Variants in SATB1 observed in about 807,000 individuals in gnomAD.
SATB1 encodes DNA-binding protein SATB1.
SATB1 carries 11 observed loss-of-function variants against 86.9 expected under a neutral mutation model. The ratio of observed to expected loss-of-function variants is 0.13; its 90% CI spans 0.08 to 0.21. SATB1 has a LOEUF of 0.21. Among genes scored for constraint, SATB1 ranks in the 10% least tolerant of loss-of-function variants. The probability of loss-of-function intolerance (pLI) is 1.00; values close to 1 mark genes in which losing one functional copy is unlikely to be tolerated. For synonymous variants in SATB1, 357 were observed against 357.2 expected (o/e 1.00, Z 0.01); for missense variants, 551 against 937.6 (o/e 0.59, Z 5.39).
chr3:18,415,812 G>T (rs9310566), intron 4 of SATB1, among the ~76,000 whole-genome samples, 195 bp downstream of exon 4: 126,569 of 151,018 alleles, frequency 0.84, 53,159 homozygotes, highest in East Asian at 0.9. Context: ...TGTGTGTGTG[G>T]GGGGGGGGAT....
At chr3:18,417,649 C>A (rs1698187433) in intron 2 of SATB1, 1 of 698,030 alleles carries the variant, frequency 1.4e-6, no homozygotes, top group Non-Finnish European at 2.6e-6. Context: ...CTAACTGGTT[C>A]CACAAAAAGT....
At chr3:18,385,290 T>A (rs1195280339) in intron 8 of SATB1, among the ~76,000 whole-genome samples, 1 of 152,176 alleles carries the variant, frequency 6.6e-6, no homozygotes, top group Non-Finnish European at 1.5e-5. Context: ...CTGACCTTAT[T>A]TTTAAGAGCT....
chr3:18,393,657 C>T (rs1215992976), intron 7 of SATB1, among the ~76,000 whole-genome samples: 2 of 152,116 alleles, frequency 1.3e-5, no homozygotes, highest in African/African-American at 4.8e-5. Flanking sequence ...CAAACTAAGG[C>T]CTGCCAGCCA....
upstream of SATB1, among the ~76,000 whole-genome samples, chr3:18,428,366 AAG>A (rs1338547147): frequency 1.3e-5 from 2 of 152,200 alleles, no homozygotes; most frequent in African/African-American, 2.4e-5. Context: ...ATCCATTCAC[AAG>A]AGCAAAGCCC....
rs985695883 is a variant in SATB1 at position 18,445,156 on chromosome 3, G to C, written c.-25+362C>G. 6 of 914,414 alleles carry C rather than the reference G, an allele frequency of 6.6e-6. No individual in the cohort carries two copies. In the African/African-American group the frequency reaches 1.1e-4, roughly 16 times the overall value. The allele number at this position is 914,414 out of a possible 1,614,324, so 56.6% of individuals were successfully genotyped here. A position where few individuals can be genotyped will look rare whatever the true frequency, so the allele number is the denominator to read the frequency against. On this transcript the variant is annotated intron_variant, in intron 1 of 3. Transcript: ENST00000415069. ...CGCCGCTTCGGAGCTTGTGCGGCGC[G>C]GGCTGGCCAGCGGGGCGGCCAGGGC... is the stretch of plus-strand genomic sequence containing the variant.
chr3:18,427,834 A>G (rs1271254494), upstream of SATB1, among the ~76,000 whole-genome samples: 7 of 152,212 alleles, frequency 4.6e-5, no homozygotes, highest in East Asian at 1.9e-4. Context: ...ATGAATAACA[A>G]TATAGCACAA....
At chr3:18,380,978 C>T (rs1048673500) in intron 8 of SATB1, among the ~76,000 whole-genome samples, 5 of 152,078 alleles carry the variant, frequency 3.3e-5, no homozygotes, top group Admixed American at 6.5e-5. Context: ...AGCTCTTCTC[C>T]GCAAATAGCA....
Position 18,394,430 on chromosome 3 carries a change from CA to C in SATB1, c.1206+31del, listed in dbSNP as rs1397890570. On this transcript the variant is annotated intron_variant, in intron 7 of 10. Coordinates refer to ENST00000338745, the MANE Select transcript of SATB1 (RefSeq NM_002971.6). The surrounding 1 kb of genome is among the most constrained non-coding windows in gnomAD (Gnocchi z 5.9). Reference sequence around the variant, plus strand: ...GACTAAAGAAAGAGAAAATAGGAGACAGCACAGAACCACTTATGAAACACAA... The same window carrying C: ...GACTAAAGAAAGAGAAAATAGGAGACGCACAGAACCACTTATGAAACACAA... 2 of 1,576,798 alleles carry C rather than the reference CA, an allele frequency of 1.3e-6. No homozygotes were observed. Among genetic ancestry groups the C allele is most frequent in the East Asian group, 2.2e-5 (1 of 44,604 alleles).
chr3:18,386,669 T>A lies in SATB1; in HGVS notation c.1207-58A>T. The A allele has an allele frequency of 7.3e-7, 1 of 1,378,090 alleles. No homozygotes were observed. The highest frequency in any genetic ancestry group is 1.0e-6 in the Non-Finnish European group (1 of 968,264). The allele number at this position is 1,378,090 out of a possible 1,614,324, so 85.4% of individuals were successfully genotyped here. ...CTGCCTTGCTTTGCCTGGCCAGCAG[T>A]GATCCTTCCCTTTTCTTCTCCACTC... On this transcript the variant is annotated intron_variant, in intron 7 of 10. Transcript: ENST00000338745. The surrounding 1 kb of genome is among the most constrained non-coding windows in gnomAD (Gnocchi z 4.5).
chr3:18,434,930 C>G (rs982937636), intron 2 of SATB1: 2 of 151,984 alleles, frequency 1.3e-5, no homozygotes, highest in African/African-American at 4.8e-5. Flanking sequence ...TCTGTTACAT[C>G]TGAATTCATG....
At chr3:18,383,233 T>C (rs1459033080) in intron 8 of SATB1, among the ~76,000 whole-genome samples, 1 of 152,210 alleles carries the variant, frequency 6.6e-6, no homozygotes, top group Non-Finnish European at 1.5e-5. Flanking sequence ...CAAGGAGCTC[T>C]GGTGTTTCCT....
intron 9 of SATB1, among the ~76,000 whole-genome samples, chr3:18,370,349 T>A (rs1398865862): frequency 1.3e-5 from 2 of 151,934 alleles, no homozygotes; most frequent in Non-Finnish European, 2.9e-5. Context: ...CTGAACTACT[T>A]CTTTCAATTC....
rs769679504 is a variant in SATB1, at chr3:18,378,213, A to G, written c.1532T>C (p.Val511Ala). 3.1e-6 allele frequency: 5 copies of G among 1,605,084 alleles called. No homozygotes were observed. In the African/African-American group the frequency reaches 4.0e-5, roughly 13 times the overall value. ...AACCTTTGCAAACAGTGCTTGAGAC[A>G]CTTTAGCACGCTTCATTTCCTGCTG... is the stretch of plus-strand genomic sequence containing the variant. ...EIQQEMKRAK[V>A]SQALFAKVAA... Residue 511 changes from valine (V) to alanine (A), a missense_variant, in exon 9 of 11, where the codon GTG (valine) becomes GCG (alanine). Coordinates refer to ENST00000338745, the MANE Select transcript of SATB1 (RefSeq NM_002971.6).
intron 9 of SATB1, among the ~76,000 whole-genome samples, chr3:18,370,540 G>GAAAAAAAAAAAAAAAAA (rs1559407474): frequency 1.1e-5 from 1 of 88,178 alleles, no homozygotes; most frequent in African/African-American, 4.3e-5. Context: ...AAAAAAAGAG[G>GAAAAAAAAAAAAAAAAA]AAAAACAAAA....
In SATB1 at chr3:18,359,843, T is replaced by C. The variant is rs187039968; in HGVS notation, c.1576-7648A>G. Among the ~76,000 whole-genome samples, 220 of 152,044 alleles carry C rather than the reference T, an allele frequency of 1.4e-3. 2 individuals are homozygous for C. Among genetic ancestry groups the C allele is most frequent in the East Asian group, 0.014 (72 of 5,178 alleles). On this transcript the variant is annotated intron_variant, in intron 9 of 10. Coordinates refer to ENST00000338745, the MANE Select transcript of SATB1 (RefSeq NM_002971.6). ...GAAAACTCAGTACTCCGAAGGTTCA[T>C]GGTGTAACATTTTCATCAGTTTTCG... is the stretch of plus-strand genomic sequence containing the variant.
intron 9 of SATB1, among the ~76,000 whole-genome samples, chr3:18,364,455 T>C (rs1427161690): frequency 6.6e-6 from 1 of 151,986 alleles, no homozygotes; most frequent in East Asian, 1.9e-4. Flanking sequence ...GACAGGAAAA[T>C]ATTTTGTGAT....
intron 5 of SATB1, 67 bp downstream of exon 5, chr3:18,415,044 C>T (rs1244377185): frequency 6.3e-7 from 1 of 1,575,692 alleles, no homozygotes; most frequent in Admixed American, 1.7e-5. Context: ...AACCAGGGAG[C>T]TCCATCAAAC....
At position 18,421,007 on chromosome 3, in the gene SATB1, A is replaced by G; in HGVS notation, c.-24-16T>C. 4.4e-6 allele frequency: 7 copies of G among 1,595,682 alleles called. No homozygotes were observed. The highest frequency in any genetic ancestry group is 6.0e-6 in the Non-Finnish European group (7 of 1,163,500). ...TAAAGATCACCTGCCAGAATTTAAAAAGAAGACACGTTATAGTTGGGCGGG... is the reference window on the plus strand; with the variant it reads ...TAAAGATCACCTGCCAGAATTTAAAGAGAAGACACGTTATAGTTGGGCGGG... On this transcript the variant is annotated splice_polypyrimidine_tract_variant and intron_variant, in intron 1 of 10. Transcript: ENST00000338745.
At chr3:18,367,152 C>T (rs1372041379) in intron 9 of SATB1, among the ~76,000 whole-genome samples, 2 of 152,186 alleles carry the variant, frequency 1.3e-5, no homozygotes, top group African/African-American at 4.8e-5. Context: ...CCACTCTTTG[C>T]AGTTCCCAAT....
Sources: gnomAD v4.1 joint callset for allele counts (sites outside exome capture counted in the v4.1 genomes callset) on GRCh38, gnomAD v4.1.1 for gene constraint, Gnocchi (gnomAD v3.1) non-coding constraint, MANE v1.5 for transcripts, NCBI Gene and HGNC (gene_info 2026-07-23, HGNC 2026-07-21) for gene names.